The following GPR19 variants were observed in gnomAD, a reference collection of about 807,000 sequenced individuals.
The protein encoded by GPR19 is probable G protein-coupled receptor 19.
GPR19 carries 14 observed loss-of-function variants against 28.5 expected under a neutral mutation model. The observed-to-expected ratio is 0.49, with a 90% CI of 0.32 to 0.77. The LOEUF is 0.77. Ranked by LOEUF, GPR19 falls within the 30% of genes least tolerant of loss-of-function variation. The probability of loss-of-function intolerance (pLI) is 0.03; values close to 1 mark genes in which losing one functional copy is unlikely to be tolerated. For missense variants in GPR19, 409 were observed against 504.1 expected, an observed-to-expected ratio of 0.81 and a Z score of 1.81; for synonymous variants, 173 against 184.1, an observed-to-expected ratio of 0.94 and a Z score of 0.49.
At chr12:12,697,784 A>T (rs573408102), upstream of GPR19, among the ~76,000 whole-genome samples, 24 of 152,364 alleles carry the variant, frequency 1.6e-4, no homozygotes, top group Middle Eastern at 3.4e-3. Flanking sequence ...GTTCAATATG[A>T]TAAAACTCAG....
chr12:12,708,210 G>T, the GPR19 span, among the ~76,000 whole-genome samples: 1 of 151,698 alleles, frequency 6.6e-6, no homozygotes. Context: ...ATTTGCCCAG[G>T]CTGGTCTCAA....
chr12:12,670,385 A>G (rs1945840417), intron 3 of GPR19, among the ~76,000 whole-genome samples: 1 of 152,206 alleles, frequency 6.6e-6, no homozygotes, highest in Non-Finnish European at 1.5e-5. Flanking sequence ...TGCAAAGTGG[A>G]TATGTATGTA....
chr12:12,688,065 A>AAAGATCACAAAAGGTGTTCAAAGTAT (rs1946120246), intron 2 of GPR19, among the ~76,000 whole-genome samples: 4 of 152,242 alleles, frequency 2.6e-5, no homozygotes, highest in Non-Finnish European at 4.4e-5. Context: ...TGACTCAGGA[A>AAAGATCACAAAAGGTGTTCAAAGTAT]AAGATCACAA....
intron 3 of GPR19, among the ~76,000 whole-genome samples, chr12:12,672,513 G>A (rs569669335): frequency 1.3e-5 from 2 of 152,282 alleles, no homozygotes; most frequent in South Asian, 2.1e-4. Context: ...TTGGGAAGCC[G>A]AAGTGGGTGA....
the GPR19 span, among the ~76,000 whole-genome samples, chr12:12,703,025 ATGT>A: frequency 1.3e-5 from 2 of 152,110 alleles, no homozygotes; most frequent in Non-Finnish European, 2.9e-5. Context: ...TTTTTGTATG[ATGT>A]TCCAGCTTTT....
chr12:12,717,070 A>G, the GPR19 span: 3 of 1,008,180 alleles, frequency 3.0e-6, no homozygotes, highest in Non-Finnish European at 3.6e-6. Context: ...CGGGCCCCGA[A>G]CCTCAGGCCC....
chr12:12,671,629 G>A (rs1945856620), intron 3 of GPR19, among the ~76,000 whole-genome samples: 2 of 152,070 alleles, frequency 1.3e-5, no homozygotes, highest in South Asian at 4.1e-4. Context: ...AAACAGAGAT[G>A]TTTTCAAAAC....
At chr12:12,671,034 T>C (rs1945849228) in intron 3 of GPR19, among the ~76,000 whole-genome samples, 1 of 151,984 alleles carries the variant, frequency 6.6e-6, no homozygotes, top group Non-Finnish European at 1.5e-5. Flanking sequence ...CATTAGAGGC[T>C]GGGCATGTAA....
intron 3 of GPR19, among the ~76,000 whole-genome samples, chr12:12,664,500 T>TA (rs530863558): frequency 1.3e-5 from 2 of 151,110 alleles, no homozygotes; most frequent in African/African-American, 4.9e-5. Flanking sequence ...TTTTAAAAAT[T>TA]AAAAAAAAAG....
intron 3 of GPR19, among the ~76,000 whole-genome samples, chr12:12,673,966 C>T (rs1170491514): frequency 1.3e-5 from 2 of 152,050 alleles, no homozygotes. Context: ...ACACCCAGCA[C>T]TTTGGGAGGC....
chr12:12,677,091 CT>C (rs768632245), intron 3 of GPR19, among the ~76,000 whole-genome samples: 5 of 152,178 alleles, frequency 3.3e-5, no homozygotes, highest in Non-Finnish European at 7.3e-5. Flanking sequence ...GAGCATTCAC[CT>C]TCTGTCTCAC....
chr12:12,677,053 C>T (rs549132455), intron 3 of GPR19, among the ~76,000 whole-genome samples: 1 of 152,288 alleles, frequency 6.6e-6, no homozygotes, highest in East Asian at 1.9e-4. Context: ...AAGCACTGAG[C>T]AGGAAGTTAC....
chr12:12,683,865 C>T (rs1018672403), intron 3 of GPR19, among the ~76,000 whole-genome samples: 1 of 152,178 alleles, frequency 6.6e-6, no homozygotes, highest in Admixed American at 6.5e-5. Context: ...TGGGAACAAT[C>T]ACAAGCACCC....
the GPR19 span, among the ~76,000 whole-genome samples, chr12:12,705,709 C>T: frequency 6.6e-6 from 1 of 151,940 alleles, no homozygotes; most frequent in Non-Finnish European, 1.5e-5. Context: ...CACCACACAC[C>T]CAGCTGATTT....
the GPR19 span, among the ~76,000 whole-genome samples, chr12:12,708,105 T>C: frequency 1.4e-5 from 2 of 144,650 alleles, no homozygotes; most frequent in Admixed American, 7.3e-5. Flanking sequence ...GCTCAAGCGA[T>C]ACTCCCACCT....
chr12:12,674,209 CAAAAAAAAAAAAAA>C (rs35775784), intron 3 of GPR19, among the ~76,000 whole-genome samples: 7 of 53,996 alleles, frequency 1.3e-4, no homozygotes, highest in Admixed American at 5.9e-4. Flanking sequence ...GACTTTGTCT[CAAAAAAAAAAAAAA>C]AAAAAAAAGG....
At chr12:12,708,034 C>G in the GPR19 span, among the ~76,000 whole-genome samples, 21 of 117,172 alleles carry the variant, frequency 1.8e-4, no homozygotes, top group Non-Finnish European at 3.2e-4. Flanking sequence ...CGGCCTAGCT[C>G]TGTCGCCCAG....
Position 12,679,656 on chromosome 12 carries a change from G to GAAA in GPR19, c.-23+4692_-23+4694dup, listed in dbSNP as rs5796505. Among the ~76,000 whole-genome samples the GAAA allele has an allele frequency of 3.5e-5, 5 of 140,884 alleles. No homozygotes were observed. The East Asian group carries it at 6.1e-4, about 17-fold the overall frequency. The allele number at this position is 140,884 out of a possible 152,430, so 92.4% of individuals were successfully genotyped here. ...GTGACAGAGTGAGACCTTGTCTCTG[G>GAAA]AAAAAAAAAAAAAGCCCAAAACACT... On this transcript the variant is annotated intron_variant, in intron 3 of 3. Coordinates refer to ENST00000651487, the MANE Select transcript of GPR19 (RefSeq NM_006143.3).
At chr12:12,662,854 G>A (rs1232116824) in intron 3 of GPR19, among the ~76,000 whole-genome samples, 2 of 152,238 alleles carry the variant, frequency 1.3e-5, no homozygotes, top group African/African-American at 2.4e-5. Flanking sequence ...CTGGAATTCT[G>A]GGCAAGTATG....
Sources: gnomAD v4.1 joint callset for allele counts (sites outside exome capture counted in the v4.1 genomes callset) on GRCh38, gnomAD v4.1.1 for gene constraint, MANE v1.5 for transcripts, NCBI Gene and HGNC (gene_info 2026-07-23, HGNC 2026-07-21) for gene names.